PRKN: variants seen among roughly 807,000 people sequenced by gnomAD.
PRKN encodes the protein E3 ubiquitin-protein ligase parkin.
In PRKN, 56 loss-of-function variants were observed where a neutral mutation model predicts 59.5. That is an observed-to-expected ratio of 0.94 (90% CI 0.76 to 1.18). The LOEUF is 1.18. PRKN is among the 50% of genes most tolerant of loss of function. PRKN has a pLI of 0.00. For missense variants in PRKN, 657 were observed against 596.4 expected, an observed-to-expected ratio of 1.10 and a Z score of -1.06; for synonymous variants, 250 against 222.1, an observed-to-expected ratio of 1.13 and a Z score of -1.12.
chr6:162,147,117 G>C (rs546450943), intron 4 of PRKN, among the ~76,000 whole-genome samples: 1 of 150,748 alleles, frequency 6.6e-6, no homozygotes, highest in East Asian at 2.0e-4. Context: ...GAGGTGGGAG[G>C]ATCACTTGAG....
intron 5 of PRKN, among the ~76,000 whole-genome samples, chr6:162,021,263 CAG>C (rs36129729): frequency 0.67 from 90,273 of 134,402 alleles, 30,729 homozygotes; most frequent in East Asian, 0.76. Flanking sequence ...GATAAGAAAA[CAG>C]ATAATTAAAC....
chr6:162,266,203 G>T (rs1404746003), intron 2 of PRKN, among the ~76,000 whole-genome samples: 2 of 151,958 alleles, frequency 1.3e-5, no homozygotes, highest in Admixed American at 6.6e-5. Context: ...CTAGAGAAAA[G>T]TAACACCTTT....
At chr6:161,759,595 C>A (rs1789105499) in intron 7 of PRKN, among the ~76,000 whole-genome samples, 1 of 152,168 alleles carries the variant, frequency 6.6e-6, no homozygotes, top group Admixed American at 6.5e-5. Context: ...CCATTTCCAA[C>A]TTCTTTTTTA....
intron 7 of PRKN, among the ~76,000 whole-genome samples, chr6:161,666,171 G>A (rs531295480): frequency 7.9e-4 from 120 of 152,234 alleles, no homozygotes; most frequent in Middle Eastern, 3.4e-3. Context: ...TACAGGGCAG[G>A]GGGTCCCCAA....
intron 7 of PRKN, among the ~76,000 whole-genome samples, chr6:161,609,068 C>A (rs1263565379): frequency 6.6e-6 from 1 of 152,146 alleles, no homozygotes; most frequent in East Asian, 1.9e-4. Flanking sequence ...CTTCAGCACT[C>A]TTGCTTGTTG....
chr6:162,558,149 A>G (rs1407380578), intron 1 of PRKN, among the ~76,000 whole-genome samples: 1 of 152,144 alleles, frequency 6.6e-6, no homozygotes, highest in East Asian at 1.9e-4. Flanking sequence ...TGATGATAAA[A>G]AAAATCACTT....
intron 2 of PRKN, among the ~76,000 whole-genome samples, chr6:162,442,897 T>G (rs1562768191): frequency 6.6e-6 from 1 of 152,068 alleles, no homozygotes; most frequent in Non-Finnish European, 1.5e-5. Flanking sequence ...GGGTCACAAT[T>G]GGGTTACAAA....
chr6:162,307,411 A>C lies in PRKN; in HGVS notation c.172-44646T>G, dbSNP rs550000689. Among the ~76,000 whole-genome samples the C allele has an allele frequency of 4.9e-3, 749 of 151,468 alleles. 10 individuals are homozygous for C. The highest frequency in any genetic ancestry group is 0.017 in the African/African-American group (713 of 41,050). ...AGACACCGTCTCAATAAAAAAAAAA[A>C]AAAAAAACACCAACTAGATATAACT... On this transcript the variant is annotated intron_variant, in intron 2 of 11. Transcript: ENST00000366898.
At chr6:161,645,018 T>C (rs895275161) in intron 7 of PRKN, among the ~76,000 whole-genome samples, 1 of 151,946 alleles carries the variant, frequency 6.6e-6, no homozygotes, top group African/African-American at 2.4e-5. Context: ...CAGGAGTGAG[T>C]AGAATTGGTT....
In PRKN at chr6:162,390,114, C is replaced by T. The variant is rs568774274; in HGVS notation, c.171+53196G>A. Among the ~76,000 whole-genome samples, 7 of 152,066 alleles carry T rather than the reference C, an allele frequency of 4.6e-5. No homozygotes were observed. The South Asian group carries it at 8.3e-4, about 18-fold the overall frequency. On this transcript the variant is annotated intron_variant, in intron 2 of 11. Transcript: ENST00000366898. ...GGTAATAGCGCCAATGTTCATTTCC[C>T]GTAAATGTTGGAAACTCCTTTAACC... is the stretch of plus-strand genomic sequence containing the variant.
chr6:161,567,505 A>G (rs960974832), intron 8 of PRKN, among the ~76,000 whole-genome samples: 3 of 152,100 alleles, frequency 2.0e-5, no homozygotes, highest in Non-Finnish European at 4.4e-5. Flanking sequence ...TATATAGCAC[A>G]TAGTAGGTAC....
At chr6:162,400,224 A>G (rs1331599631) in intron 2 of PRKN, among the ~76,000 whole-genome samples, 1 of 151,580 alleles carries the variant, frequency 6.6e-6, no homozygotes, top group East Asian at 1.9e-4. Flanking sequence ...AAACAAACAA[A>G]CAACAACAAA....
chr6:162,638,027 A>C (rs1012188559), intron 1 of PRKN, among the ~76,000 whole-genome samples: 2 of 143,888 alleles, frequency 1.4e-5, no homozygotes, highest in African/African-American at 4.9e-5. Context: ...TGACATTCTC[A>C]GATTCCTTTA....
intron 2 of PRKN, among the ~76,000 whole-genome samples, chr6:162,297,137 CT>C (rs1781712401): frequency 6.6e-6 from 1 of 151,192 alleles, no homozygotes; most frequent in Non-Finnish European, 1.5e-5. Context: ...ACAGGAACTG[CT>C]TAGCTCTGCT....
chr6:162,349,422 G>C (rs765550924), intron 2 of PRKN, among the ~76,000 whole-genome samples: 1 of 152,082 alleles, frequency 6.6e-6, no homozygotes, highest in Admixed American at 6.6e-5. Flanking sequence ...AGCTGAGATC[G>C]CGCCACTGCA....
chr6:161,769,050 G>A (rs1294345803), intron 7 of PRKN, among the ~76,000 whole-genome samples: 6 of 152,158 alleles, frequency 3.9e-5, no homozygotes, highest in East Asian at 1.9e-4. Flanking sequence ...TCACAAGCAC[G>A]TATTTATGGA....
At chr6:161,583,826 C>G (rs1170883163) in intron 7 of PRKN, among the ~76,000 whole-genome samples, 1 of 152,194 alleles carries the variant, frequency 6.6e-6, no homozygotes, top group African/African-American at 2.4e-5. Context: ...CGCACCTTTG[C>G]AATATCCTTG....
At chr6:162,502,980 T>C (rs1793437680) in intron 1 of PRKN, among the ~76,000 whole-genome samples, 2 of 151,884 alleles carry the variant, frequency 1.3e-5, no homozygotes, top group South Asian at 2.1e-4. Context: ...TAGTTTCGTA[T>C]ATTATCTTTC....
At chr6:161,874,180 TATATATA>T (rs1562354118) in intron 6 of PRKN, among the ~76,000 whole-genome samples, 53 of 35,098 alleles carry the variant, frequency 1.5e-3, no homozygotes, top group African/African-American at 2.0e-3. Flanking sequence ...TAATATATAT[TATATATA>T]ATATATAATA....
Sources: allele counts gnomAD v4.1 joint callset (sites outside exome capture counted in the v4.1 genomes callset), GRCh38; gene constraint gnomAD v4.1.1; transcripts MANE v1.5; gene names NCBI Gene and HGNC (gene_info 2026-07-23, HGNC 2026-07-21).